NEUROG1: variants seen among roughly 807,000 people sequenced by gnomAD.
NEUROG1 encodes the protein neurogenin-1.
NEUROG1 carries 5 observed loss-of-function variants against 5.7 expected under a neutral mutation model. The observed-to-expected ratio is 0.88, with a 90% CI of 0.46 to 1.85. NEUROG1 has a LOEUF of 1.85. NEUROG1 is among the 40% of genes most tolerant of loss of function. NEUROG1 has a pLI of 0.01. For synonymous variants in NEUROG1, 196 were observed against 157.4 expected (o/e 1.25, Z -1.84); for missense variants, 403 against 345.7 (o/e 1.17, Z -1.32).
In NEUROG1 at chr5:135,535,785, C is replaced by T. The variant is rs1580682509; in HGVS notation, c.-95G>A. 6 of 1,186,128 alleles carry T rather than the reference C, an allele frequency of 5.1e-6. No individual in the cohort carries two copies. Among genetic ancestry groups the T allele is most frequent in the Non-Finnish European group, 7.0e-6 (6 of 862,444 alleles). The allele number at this position is 1,186,128 out of a possible 1,614,324, so 73.5% of individuals were successfully genotyped here. The stretch of plus-strand genomic sequence containing the variant: ...GAGCCGCCAGGGCGCACTTACGTTC[C>T]CAACAGCCTGGGGTTGTTACTCTGT... On this transcript the variant is annotated 5_prime_UTR_variant, in exon 1 of 1. Transcript: ENST00000314744.
Position 135,535,603 on chromosome 5 carries a change from C to G in NEUROG1, c.88G>C (p.Glu30Gln), listed in dbSNP as rs1470788307. 6.3e-7 allele frequency: 1 copy of G among 1,594,992 alleles called. No individual in the cohort carries two copies. Among genetic ancestry groups the G allele is most frequent in the Non-Finnish European group, 8.5e-7 (1 of 1,176,396 alleles). The change falls in exon 1 of 1, where the codon GAA (glutamate) becomes CAA (glutamine). Residue 30 changes from glutamate to glutamine, a missense_variant. Physicochemically the swap from Glu to Gln is conservative, Grantham distance 29 (BLOSUM62 2). Coordinates refer to ENST00000314744, the MANE Select transcript of NEUROG1 (RefSeq NM_006161.3). The stretch of plus-strand genomic sequence containing the variant: ...GCCTGTTGGAGTCTGGCACAGTCTT[C>G]CTCGTCGGTGAGGAAGCCGGATAGG... ...SDLSGFLTDE[E>Q]DCARLQQAAS...
In NEUROG1 at chr5:135,535,596, C is replaced by T. The variant is rs1392763723; in HGVS notation, c.95G>A (p.Cys32Tyr). The T allele has an allele frequency of 6.3e-7, 1 of 1,593,286 alleles. No individual in the cohort carries two copies. The highest frequency in any genetic ancestry group is 8.5e-7 in the Non-Finnish European group (1 of 1,175,926). ...LSGFLTDEED[C>Y]ARLQQAASAS... Reference sequence around the variant, plus strand: ...GGAGGCTGCCTGTTGGAGTCTGGCACAGTCTTCCTCGTCGGTGAGGAAGCC... The same window carrying T: ...GGAGGCTGCCTGTTGGAGTCTGGCATAGTCTTCCTCGTCGGTGAGGAAGCC... Residue 32 changes from cysteine (C) to tyrosine (Y), a missense_variant, in exon 1 of 1, where the codon TGT becomes TAT. Cys to Tyr is a radical substitution (Grantham distance 194). Coordinates refer to ENST00000314744, the MANE Select transcript of NEUROG1 (RefSeq NM_006161.3).
chr5:135,534,878 C>T lies in NEUROG1; in HGVS notation c.*99G>A. ...CCGACTGCTTTAAAGCTCCCGCTTC[C>T]TCCCTCCGCCTGGAGAGGGGGTCCC... On this transcript the variant is annotated 3_prime_UTR_variant, in exon 1 of 1. Transcript: ENST00000314744. 1 of 1,262,186 alleles carries T rather than the reference C, an allele frequency of 7.9e-7. No individual in the cohort carries two copies. The highest frequency in any genetic ancestry group is 1.1e-6 in the Non-Finnish European group (1 of 914,492). 78.2% of individuals were successfully genotyped at this position (1,262,186 alleles called of 1,614,324 possible). A position where few individuals can be genotyped will look rare whatever the true frequency, so the allele number is the denominator to read the frequency against.
In NEUROG1 at chr5:135,535,519, C is replaced by T; in HGVS notation, c.172G>A (p.Ala58Thr). ...ARRGAPNISR[A>T]SEVPGAQDDE... ...TCCTGTGCCCCTGGAACCTCAGACGCCCGGGAGATATTGGGCGCGCCCCTG... is the reference window on the plus strand; with the variant it reads ...TCCTGTGCCCCTGGAACCTCAGACGTCCGGGAGATATTGGGCGCGCCCCTG... The change falls in exon 1 of 1, where the codon GCG becomes ACG. Residue 58 changes from alanine to threonine, a missense_variant. Coordinates refer to ENST00000314744, the MANE Select transcript of NEUROG1 (RefSeq NM_006161.3). 1 of 1,575,782 alleles carries T rather than the reference C, an allele frequency of 6.3e-7. No individual in the cohort carries two copies. The highest frequency in any genetic ancestry group is 8.6e-7 in the Non-Finnish European group (1 of 1,167,814).
Position 135,534,739 on chromosome 5 carries a change from A to T in NEUROG1, c.*238T>A, listed in dbSNP as rs1750495161. 2 of 537,356 alleles carry T rather than the reference A, an allele frequency of 3.7e-6. No individual in the cohort carries two copies. Among genetic ancestry groups the T allele is most frequent in the Non-Finnish European group, 6.5e-6 (2 of 307,678 alleles). 33.3% of individuals were successfully genotyped at this position (537,356 alleles called of 1,614,324 possible). A position where few individuals can be genotyped will look rare whatever the true frequency, so the allele number is the denominator to read the frequency against. ...GTTTTGTGGAGTTCAGAAAGTGCAA[A>T]AGGAAAGGCCGTCTAGGGGCGGGCA... On this transcript the variant is annotated 3_prime_UTR_variant, in exon 1 of 1. Coordinates refer to ENST00000314744, the MANE Select transcript of NEUROG1 (RefSeq NM_006161.3).
rs369851304 is a variant in NEUROG1 at position 135,535,409 on chromosome 5, G to T, written c.282C>A (p.Arg94=). ...ALLHSLRRSR[R]VKANDRERNR... ...TGCGCTCGCGATCGTTGGCCTTGAC[G>T]CGCCGGCTCCTGCGCAGCGAGTGCA... The change falls in exon 1 of 1, where the codon CGC becomes CGA. Residue 94 remains arginine, a synonymous_variant. Transcript: ENST00000314744. 13 of 1,603,854 alleles carry T rather than the reference G, an allele frequency of 8.1e-6. No homozygotes were observed. In the African/African-American group the frequency reaches 1.1e-4, roughly 13 times the overall value.
At position 135,534,475 on chromosome 5, in the gene NEUROG1, C is replaced by T. The variant is rs1750488325; in HGVS notation, c.*502G>A. Reference sequence around the variant, plus strand: ...GTCTCCAGTTCTTCCTAGAGCGAGTCTGCAGTGGTGGGGGTCGGGATCCAT... The same window carrying T: ...GTCTCCAGTTCTTCCTAGAGCGAGTTTGCAGTGGTGGGGGTCGGGATCCAT... On this transcript the variant is annotated 3_prime_UTR_variant, in exon 1 of 1. Coordinates refer to ENST00000314744, the MANE Select transcript of NEUROG1 (RefSeq NM_006161.3). 6.4e-6 allele frequency: 1 copy of T among 157,112 alleles called. No homozygotes were observed. The highest frequency in any genetic ancestry group is 1.4e-5 in the Non-Finnish European group (1 of 71,056). The allele number at this position is 157,112 out of a possible 1,614,324, so 9.7% of individuals were successfully genotyped here.
rs780156894 is a variant in NEUROG1, at chr5:135,535,646, G to A, written c.45C>T (p.Ala15=). 1 of 1,584,810 alleles carries A rather than the reference G, an allele frequency of 6.3e-7. No individual in the cohort carries two copies. Among genetic ancestry groups the A allele is most frequent in the Non-Finnish European group, 8.5e-7 (1 of 1,170,518 alleles). The change falls in exon 1 of 1, where the codon GCC becomes GCT. Residue 15 remains alanine (A), a synonymous_variant. Transcript: ENST00000314744. ...LETCISDLDC[A]SSSGSDLSGF... ...CGGATAGGTCACTGCCGCTGCTGCT[G>A]GCGCAGTCGAGGTCGGAGATGCAGG...
chr5:135,534,885 C>T lies in NEUROG1; in HGVS notation c.*92G>A. The T allele has an allele frequency of 3.0e-6, 4 of 1,330,846 alleles. No individual in the cohort carries two copies. The highest frequency in any genetic ancestry group is 2.4e-5 in the Admixed American group (1 of 41,898). The allele number at this position is 1,330,846 out of a possible 1,614,324, so 82.4% of individuals were successfully genotyped here. A position where few individuals can be genotyped will look rare whatever the true frequency, so the allele number is the denominator to read the frequency against. On this transcript the variant is annotated 3_prime_UTR_variant, in exon 1 of 1. Coordinates refer to ENST00000314744, the MANE Select transcript of NEUROG1 (RefSeq NM_006161.3). ...CTTTAAAGCTCCCGCTTCCTCCCTC[C>T]GCCTGGAGAGGGGGTCCCGAGGCGG...
At position 135,535,599 on chromosome 5, in the gene NEUROG1, T is replaced by C. The variant is rs1235144614; in HGVS notation, c.92A>G (p.Asp31Gly). The C allele has an allele frequency of 8.2e-6, 13 of 1,593,470 alleles. No individual in the cohort carries two copies. The highest frequency in any genetic ancestry group is 1.1e-5 in the South Asian group (1 of 88,864). The change falls in exon 1 of 1, where the codon GAC (aspartate) becomes GGC (glycine). Residue 31 changes from aspartate to glycine, a missense_variant. Physicochemically the swap from Asp to Gly is moderately conservative, Grantham distance 94. Coordinates refer to ENST00000314744, the MANE Select transcript of NEUROG1 (RefSeq NM_006161.3). ...DLSGFLTDEE[D>G]CARLQQAASA... Reference sequence around the variant, plus strand: ...GGCTGCCTGTTGGAGTCTGGCACAGTCTTCCTCGTCGGTGAGGAAGCCGGA... The same window carrying C: ...GGCTGCCTGTTGGAGTCTGGCACAGCCTTCCTCGTCGGTGAGGAAGCCGGA...
chr5:135,535,484 C>A lies in NEUROG1; in HGVS notation c.207G>T (p.Gln69His). 6.4e-7 allele frequency: 1 copy of A among 1,571,708 alleles called. No homozygotes were observed. The part of the protein sequence containing the change: ...SEVPGAQDDE[Q>H]ERRRRRGRTR... ...TCCGGCCGCGGCGCCGCCGCCTCTC[C>A]TGCTCGTCGTCCTGTGCCCCTGGAA... The change falls in exon 1 of 1, where the codon CAG becomes CAT. Residue 69 changes from glutamine (Q) to histidine (H), a missense_variant. Coordinates refer to ENST00000314744, the MANE Select transcript of NEUROG1 (RefSeq NM_006161.3).
chr5:135,534,975 G>C lies in NEUROG1; in HGVS notation c.*2C>G. Reference sequence around the variant, plus strand: ...GGGAAAGTAACAGTGTCTACAAAGGGCCTAGTGGTAAGGAATGAAACAGGG... The same window carrying C: ...GGGAAAGTAACAGTGTCTACAAAGGCCCTAGTGGTAAGGAATGAAACAGGG... On this transcript the variant is annotated 3_prime_UTR_variant, in exon 1 of 1. Coordinates refer to ENST00000314744, the MANE Select transcript of NEUROG1 (RefSeq NM_006161.3). 1.2e-6 allele frequency: 2 copies of C among 1,613,132 alleles called. No individual in the cohort carries two copies. The highest frequency in any genetic ancestry group is 1.7e-6 in the Non-Finnish European group (2 of 1,179,540).
rs1300078489 is a variant in NEUROG1 at position 135,535,191 on chromosome 5, G to A, written c.500C>T (p.Pro167Leu). 6.2e-7 allele frequency: 1 copy of A among 1,609,814 alleles called. No individual in the cohort carries two copies. ...GGGARERLLPPQCVPCLPGPP... is the reference protein window; with the variant it reads ...GGGARERLLPLQCVPCLPGPP... ...ACCGGGCAGGCAGGGGACGCACTGC[G>A]GCGGCAGGAGGCGCTCCCGGGCACC... Residue 167 changes from proline to leucine, a missense_variant, in exon 1 of 1, where the codon CCG becomes CTG. Transcript: ENST00000314744.
chr5:135,535,157 G>A lies in NEUROG1; in HGVS notation c.534C>T (p.Ser178=). ...CCCAGGACTCCGCGTCGCTGGCGGG[G>A]CTTGGGGGACCGGGCAGGCAGGGGA... is the stretch of plus-strand genomic sequence containing the variant. ...QCVPCLPGPP[S]PASDAESWGS... Residue 178 remains serine (S), a synonymous_variant, in exon 1 of 1, where the codon AGC becomes AGT. Coordinates refer to ENST00000314744, the MANE Select transcript of NEUROG1 (RefSeq NM_006161.3). The A allele has an allele frequency of 1.2e-6, 2 of 1,609,652 alleles. No individual in the cohort carries two copies. Among genetic ancestry groups the A allele is most frequent in the African/African-American group, 1.3e-5 (1 of 74,734 alleles).
At position 135,534,900 on chromosome 5, in the gene NEUROG1, T is replaced by A; in HGVS notation, c.*77A>T. 1 of 1,425,566 alleles carries A rather than the reference T, an allele frequency of 7.0e-7. No homozygotes were observed. Among genetic ancestry groups the A allele is most frequent in the Non-Finnish European group, 9.5e-7 (1 of 1,049,148 alleles). 88.3% of individuals were successfully genotyped at this position (1,425,566 alleles called of 1,614,324 possible). On this transcript the variant is annotated 3_prime_UTR_variant, in exon 1 of 1. Transcript: ENST00000314744. ...TTCCTCCCTCCGCCTGGAGAGGGGG[T>A]CCCGAGGCGGCAGCTGGGGCCCCAT...
rs774189882 is a variant in NEUROG1 at position 135,535,606 on chromosome 5, C to T, written c.85G>A (p.Glu29Lys). ...GSDLSGFLTDEEDCARLQQAA... is the reference protein window; with the variant it reads ...GSDLSGFLTDKEDCARLQQAA... ...TGTTGGAGTCTGGCACAGTCTTCCT[C>T]GTCGGTGAGGAAGCCGGATAGGTCA... The change falls in exon 1 of 1, where the codon GAG becomes AAG. Residue 29 changes from glutamate (E) to lysine (K), a missense_variant. Glu to Lys is a moderately conservative substitution (Grantham distance 56). Coordinates refer to ENST00000314744, the MANE Select transcript of NEUROG1 (RefSeq NM_006161.3). The T allele has an allele frequency of 5.0e-6, 8 of 1,594,904 alleles. No homozygotes were observed. Among genetic ancestry groups the T allele is most frequent in the African/African-American group, 2.7e-5 (2 of 73,552 alleles).
rs766932586 is a variant in NEUROG1, at chr5:135,535,140, T to G, written c.551A>C (p.Glu184Ala). Residue 184 changes from glutamate (E) to alanine (A), a missense_variant, in exon 1 of 1, where the codon GAG (glutamate) becomes GCG (alanine). Glu to Ala is a moderately radical substitution (Grantham distance 107). Transcript: ENST00000314744. ...GGCGGCGGCACCTGAGCCCCAGGAC[T>G]CCGCGTCGCTGGCGGGGCTTGGGGG... ...PGPPSPASDAESWGSGAAAAS... is the reference protein window; with the variant it reads ...PGPPSPASDAASWGSGAAAAS... 6.2e-7 allele frequency: 1 copy of G among 1,608,790 alleles called. No individual in the cohort carries two copies. The highest frequency in any genetic ancestry group is 8.5e-7 in the Non-Finnish European group (1 of 1,177,726).
rs1750533011 is a variant in NEUROG1 at position 135,535,764 on chromosome 5, C to T, written c.-74G>A. 5 of 1,354,714 alleles carry T rather than the reference C, an allele frequency of 3.7e-6. No individual in the cohort carries two copies. The Admixed American group carries it at 1.1e-4, about 29-fold the overall frequency. The allele number at this position is 1,354,714 out of a possible 1,614,324, so 83.9% of individuals were successfully genotyped here. ...CTGCAGCCCGGACTGAGGGCAGAGC[C>T]GCCAGGGCGCACTTACGTTCCCAAC... is the stretch of plus-strand genomic sequence containing the variant. On this transcript the variant is annotated 5_prime_UTR_variant, in exon 1 of 1. Coordinates refer to ENST00000314744, the MANE Select transcript of NEUROG1 (RefSeq NM_006161.3).
In NEUROG1 at chr5:135,535,528, T is replaced by C. The variant is rs1443166234; in HGVS notation, c.163A>G (p.Ile55Val). ...PAPARRGAPN[I>V]SRASEVPGAQ... is the part of the protein sequence containing the mutation. ...CCTGGAACCTCAGACGCCCGGGAGA[T>C]ATTGGGCGCGCCCCTGCGGGCCGGC... The change falls in exon 1 of 1, where the codon ATC (isoleucine) becomes GTC (valine). Residue 55 changes from isoleucine (I) to valine (V), a missense_variant. By Grantham distance (29) the Ile-to-Val change is conservative. Transcript: ENST00000314744. 4.5e-6 allele frequency: 7 copies of C among 1,572,810 alleles called. No individual in the cohort carries two copies. The highest frequency in any genetic ancestry group is 2.3e-5 in the East Asian group (1 of 42,658).
Sources: gnomAD v4.1 joint callset for allele counts on GRCh38, gnomAD v4.1.1 for gene constraint, MANE v1.5 for transcripts, NCBI Gene and HGNC (gene_info 2026-07-23, HGNC 2026-07-21) for gene names.